KCNIP4: variants seen among roughly 807,000 people sequenced by gnomAD.
KCNIP4 encodes Kv channel-interacting protein 4.
A neutral mutation model predicts 34.0 loss-of-function variants in KCNIP4; 12 were observed. The ratio of observed to expected loss-of-function variants is 0.35; its 90% confidence interval spans 0.23 to 0.57. The LOEUF (loss-of-function observed/expected upper bound fraction) is 0.57. Ranked by LOEUF, KCNIP4 falls within the 20% of genes least tolerant of loss-of-function variation. KCNIP4 has a pLI of 0.83. For missense variants in KCNIP4, 238 were observed against 311.7 expected, an observed-to-expected ratio of 0.76 and a Z score of 1.78; for synonymous variants, 124 against 102.2, an observed-to-expected ratio of 1.21 and a Z score of -1.29.
intron 1 of KCNIP4, among the ~76,000 whole-genome samples, chr4:21,732,329 T>G (rs1355826215): frequency 1.3e-5 from 2 of 152,150 alleles, no homozygotes; most frequent in Admixed American, 6.6e-5. Context: ...GCTCCAGGTC[T>G]TAAAATATGA....
At chr4:21,697,284 C>G in intron 1 of KCNIP4, 4 of 1,295,842 alleles carry the variant, frequency 3.1e-6, no homozygotes, top group South Asian at 4.1e-5. Flanking sequence ...TATTCCATTT[C>G]AACTTCATTA....
intron 1 of KCNIP4, among the ~76,000 whole-genome samples, chr4:21,380,499 G>T (rs1460682843): frequency 1.3e-5 from 2 of 151,128 alleles, no homozygotes; most frequent in Non-Finnish European, 2.9e-5. Flanking sequence ...GAGAGAGAGA[G>T]ATCCTATATT....
chr4:21,897,728 G>A (rs1416974564), intron 1 of KCNIP4, among the ~76,000 whole-genome samples: 1 of 152,148 alleles, frequency 6.6e-6, no homozygotes, highest in Non-Finnish European at 1.5e-5. Context: ...AGCCTCCAGT[G>A]ATTGTCTTCC....
At chr4:20,910,916 C>T (rs573550027) in intron 1 of KCNIP4, among the ~76,000 whole-genome samples, 1 of 152,172 alleles carries the variant, frequency 6.6e-6, no homozygotes, top group East Asian at 1.9e-4. Context: ...TTTTCCTCCT[C>T]CTTTAACATA....
chr4:21,365,341 T>C (rs1419346185), intron 1 of KCNIP4, among the ~76,000 whole-genome samples: 1 of 151,836 alleles, frequency 6.6e-6, no homozygotes, highest in East Asian at 1.9e-4. Flanking sequence ...AAAGATTAGC[T>C]GGGCATGGTG....
At chr4:21,439,692 T>A (rs1427144300) in intron 1 of KCNIP4, among the ~76,000 whole-genome samples, 1 of 152,144 alleles carries the variant, frequency 6.6e-6, no homozygotes, top group Non-Finnish European at 1.5e-5. Flanking sequence ...TTGCTTTGAG[T>A]ATGGATGCTA....
At chr4:20,878,535 T>A (rs1724315193) in intron 2 of KCNIP4, among the ~76,000 whole-genome samples, 1 of 152,208 alleles carries the variant, frequency 6.6e-6, no homozygotes, top group Non-Finnish European at 1.5e-5. Context: ...CCAGATTACC[T>A]TTGTTTTCTT....
intron 1 of KCNIP4, among the ~76,000 whole-genome samples, chr4:20,914,904 C>T (rs373805629): frequency 6.6e-6 from 1 of 152,170 alleles, no homozygotes; most frequent in South Asian, 2.1e-4. Flanking sequence ...AGAAACCTGC[C>T]TTTGCACTAG....
At chr4:21,286,335 TG>T (rs1210161394) in intron 1 of KCNIP4, among the ~76,000 whole-genome samples, 9 of 152,300 alleles carry the variant, frequency 5.9e-5, no homozygotes, top group African/African-American at 2.2e-4. Context: ...AACAATTGGT[TG>T]AGCAGGGGAG....
At chr4:21,285,251 G>A (rs1274479800) in intron 1 of KCNIP4, among the ~76,000 whole-genome samples, 2 of 151,780 alleles carry the variant, frequency 1.3e-5, no homozygotes, top group Non-Finnish European at 2.9e-5. Context: ...TGCTTGAAAA[G>A]GTCTCCCAAA....
At chr4:21,848,591 C>T (rs1488942448) in intron 1 of KCNIP4, 1 of 152,052 alleles carries the variant, frequency 6.6e-6, no homozygotes, top group African/African-American at 2.4e-5. Flanking sequence ...ATTCTTTCAA[C>T]AGATGTTCTT....
intron 1 of KCNIP4, among the ~76,000 whole-genome samples, chr4:20,896,156 C>T (rs963597615): frequency 2.6e-5 from 4 of 152,168 alleles, no homozygotes; most frequent in Non-Finnish European, 5.9e-5. Flanking sequence ...CCCTTTCACA[C>T]AGGACATGCA....
intron 1 of KCNIP4, among the ~76,000 whole-genome samples, chr4:21,200,807 T>A (rs1462155467): frequency 6.6e-6 from 1 of 151,670 alleles, no homozygotes; most frequent in Non-Finnish European, 1.5e-5. Flanking sequence ...AAATAAAAAT[T>A]TTTTTTTTTA....
chr4:20,909,184 A>C (rs1728089452), intron 1 of KCNIP4, among the ~76,000 whole-genome samples: 1 of 152,200 alleles, frequency 6.6e-6, no homozygotes, highest in African/African-American at 2.4e-5. Context: ...TCATATATGA[A>C]ATTGTTACTG....
At chr4:20,822,561 TCCCACCA>T (rs1306033406) in intron 3 of KCNIP4, among the ~76,000 whole-genome samples, 8 of 152,126 alleles carry the variant, frequency 5.3e-5, no homozygotes, top group African/African-American at 1.9e-4. Context: ...AATCCAGCAA[TCCCACCA>T]CTGGGTATCT....
At chr4:20,964,375 G>A (rs1452008067) in intron 1 of KCNIP4, among the ~76,000 whole-genome samples, 1 of 152,200 alleles carries the variant, frequency 6.6e-6, no homozygotes, top group Non-Finnish European at 1.5e-5. Flanking sequence ...CACAGTTAAA[G>A]TATGTGGTTC....
chr4:21,896,948 T>A (rs1170085400), intron 1 of KCNIP4, among the ~76,000 whole-genome samples: 2 of 70,214 alleles, frequency 2.8e-5, no homozygotes, highest in Non-Finnish European at 6.0e-5. Context: ...AATAAATAAA[T>A]AAATAAATAA....
chr4:21,147,956 A>AAAAG (rs1553945842), intron 1 of KCNIP4, among the ~76,000 whole-genome samples: 13 of 128,444 alleles, frequency 1.0e-4, no homozygotes, highest in African/African-American at 3.4e-4. Context: ...AAAAAAAAAA[A>AAAAG]AAAAGAAAAA....
chr4:21,077,111 A>G (rs1745557408), intron 1 of KCNIP4, among the ~76,000 whole-genome samples: 1 of 152,090 alleles, frequency 6.6e-6, no homozygotes, highest in Non-Finnish European at 1.5e-5. Context: ...GGGCAACAGA[A>G]TGAGACTCTG....
Sources: gnomAD v4.1 joint callset for allele counts (sites outside exome capture counted in the v4.1 genomes callset) on GRCh38, gnomAD v4.1.1 for gene constraint, MANE v1.5 for transcripts, NCBI Gene and HGNC (gene_info 2026-07-23, HGNC 2026-07-21) for gene names.